SLIT3: variants seen among roughly 807,000 people sequenced by gnomAD.
SLIT3 encodes slit guidance ligand 3, also known as slit homolog 3 protein.
Under a neutral mutation model 184.0 loss-of-function variants are expected in SLIT3, and 68 were observed. The ratio of observed to expected loss-of-function variants is 0.37; its 90% CI spans 0.30 to 0.45. SLIT3 has a LOEUF of 0.45. Among genes scored for constraint, SLIT3 ranks in the 20% least tolerant of loss-of-function variants. The pLI is 1.00. For synonymous variants in SLIT3, 831 were observed against 828.6 expected (o/e 1.00, Z -0.05); for missense variants, 1,707 against 2,026.0 (o/e 0.84, Z 3.02).
intron 4 of SLIT3, among the ~76,000 whole-genome samples, chr5:169,013,749 C>T (rs1414297583): frequency 6.6e-6 from 1 of 152,220 alleles, no homozygotes; most frequent in Non-Finnish European, 1.5e-5. Context: ...CTGGCTCCTA[C>T]TCCTTCAGGT....
Position 169,213,225 on chromosome 5 carries a change from G to GA in SLIT3, c.342-19676dup, listed in dbSNP as rs530073231. Among the ~76,000 whole-genome samples the GA allele has an allele frequency of 2.0e-4, 31 of 151,346 alleles. No homozygotes were observed. In the South Asian group the frequency reaches 5.2e-3, roughly 26 times the overall value. ...CTCCCACTCACAATTGCTACTAAGA[G>GA]AAAAAAAATACCTAGGAATACAACT... On this transcript the variant is annotated intron_variant, in intron 3 of 35. Transcript: ENST00000519560.
chr5:168,783,320 G>C (rs552549856), intron 12 of SLIT3, among the ~76,000 whole-genome samples: 6 of 152,170 alleles, frequency 3.9e-5, no homozygotes, highest in Non-Finnish European at 5.9e-5. Flanking sequence ...AGAATTTTGG[G>C]CATTTGCCCA....
chr5:168,690,550 C>T (rs1302954922), intron 29 of SLIT3, among the ~76,000 whole-genome samples: 1 of 152,208 alleles, frequency 6.6e-6, no homozygotes, highest in African/African-American at 2.4e-5. Context: ...TCTTCCCACC[C>T]CTTGCCCCTT....
chr5:168,745,177 T>C (rs1763761965), intron 20 of SLIT3, among the ~76,000 whole-genome samples: 1 of 152,168 alleles, frequency 6.6e-6, no homozygotes, highest in East Asian at 1.9e-4. Flanking sequence ...GTGAAAATAG[T>C]GAGAACTAGA....
chr5:168,795,600 A>G, intron 9 of SLIT3, 22 bp from the exon 10 acceptor site: 2 of 1,599,266 alleles, frequency 1.3e-6, no homozygotes, highest in Non-Finnish European at 1.7e-6. Flanking sequence ...AGCAGAGAAG[A>G]GTGAATTAAC....
intron 4 of SLIT3, among the ~76,000 whole-genome samples, chr5:169,009,078 C>T (rs1756041442): frequency 6.9e-6 from 1 of 144,166 alleles, no homozygotes; most frequent in Non-Finnish European, 1.5e-5. Flanking sequence ...TCAATATGAG[C>T]CAAAATTACA....
chr5:168,685,764 C>T lies in SLIT3; in HGVS notation c.3478G>A (p.Val1160Ile), dbSNP rs774066209. 5.0e-6 allele frequency: 8 copies of T among 1,609,058 alleles called. No homozygotes were observed. The Admixed American group carries it at 1.0e-4, about 20-fold the overall frequency. The change falls in exon 31 of 36, where the codon GTC becomes ATC. Residue 1160 changes from valine to isoleucine, a missense_variant. Transcript: ENST00000519560. ...AGPRCEKLITVNFVGKDSYVE... is the reference protein window; with the variant it reads ...AGPRCEKLITINFVGKDSYVE... ...TAGGAGTCTTTGCCCACGAAGTTGACAGTGATGAGCTTCTCGCATCTGGGG... is the reference window on the plus strand; with the variant it reads ...TAGGAGTCTTTGCCCACGAAGTTGATAGTGATGAGCTTCTCGCATCTGGGG...
intron 4 of SLIT3, among the ~76,000 whole-genome samples, chr5:168,957,158 G>C (rs1215381121): frequency 6.6e-6 from 1 of 151,386 alleles, no homozygotes; most frequent in East Asian, 1.9e-4. Flanking sequence ...GAACCTGGGA[G>C]GCAGAGGTTG....
chr5:169,010,752 A>T (rs778033413), intron 4 of SLIT3, among the ~76,000 whole-genome samples: 31 of 151,986 alleles, frequency 2.0e-4, no homozygotes, highest in Middle Eastern at 3.4e-3. Flanking sequence ...AATACAAAAC[A>T]ATTAGCCAGG....
intron 10 of SLIT3, among the ~76,000 whole-genome samples, chr5:168,793,338 C>T (rs1756451133): frequency 6.6e-6 from 1 of 151,044 alleles, no homozygotes; most frequent in African/African-American, 2.4e-5. Context: ...TAGGGATAAA[C>T]TGGTCACGTA....
intron 26 of SLIT3, 90 bp downstream of exon 26, chr5:168,707,886 G>C (rs1762422902): frequency 1.3e-6 from 2 of 1,513,412 alleles, no homozygotes; most frequent in Admixed American, 3.5e-5. Context: ...GGAGAAGGGA[G>C]GGTACGCAGG....
At chr5:169,281,648 T>G (rs1350613493) in intron 1 of SLIT3, among the ~76,000 whole-genome samples, 1 of 152,206 alleles carries the variant, frequency 6.6e-6, no homozygotes, top group Non-Finnish European at 1.5e-5. Context: ...CCAATAGCAT[T>G]AGTCGTTATT....
intron 1 of SLIT3, among the ~76,000 whole-genome samples, chr5:169,275,299 T>C (rs1766765218): frequency 6.6e-6 from 1 of 152,212 alleles, no homozygotes; most frequent in Non-Finnish European, 1.5e-5. Flanking sequence ...GTTATACGAC[T>C]GTCAAGTGTC....
chr5:169,150,198 C>G (rs1182393657), intron 4 of SLIT3, among the ~76,000 whole-genome samples: 1 of 152,156 alleles, frequency 6.6e-6, no homozygotes, highest in Non-Finnish European at 1.5e-5. Flanking sequence ...TTTTCTGAAT[C>G]TGCTCCCCGC....
intron 6 of SLIT3, among the ~76,000 whole-genome samples, chr5:168,830,357 C>T (rs958412535): frequency 6.6e-6 from 1 of 152,178 alleles, no homozygotes; most frequent in Non-Finnish European, 1.5e-5. Flanking sequence ...CCTTCTCATC[C>T]AGCTGTACAC....
At chr5:169,168,558 C>A (rs1325147899) in intron 4 of SLIT3, among the ~76,000 whole-genome samples, 2 of 152,216 alleles carry the variant, frequency 1.3e-5, no homozygotes, top group Non-Finnish European at 2.9e-5. Context: ...TTAATCTTTA[C>A]AACGGCTCTA....
At chr5:169,028,244 G>GAAAA (rs113331358) in intron 4 of SLIT3, among the ~76,000 whole-genome samples, 3 of 147,798 alleles carry the variant, frequency 2.0e-5, no homozygotes, top group African/African-American at 7.4e-5. Flanking sequence ...TTAGTGATGG[G>GAAAA]AAAAAAAAAA....
At chr5:168,875,719 A>G (rs79991007) in intron 5 of SLIT3, among the ~76,000 whole-genome samples, 10,243 of 151,094 alleles carry the variant, frequency 0.068, 408 homozygotes, top group Middle Eastern at 0.12. Flanking sequence ...AGACAGGAAG[A>G]GAGGAAGGGA....
At chr5:169,105,843 T>C (rs954692657) in intron 4 of SLIT3, among the ~76,000 whole-genome samples, 26 of 152,204 alleles carry the variant, frequency 1.7e-4, no homozygotes, top group African/African-American at 6.3e-4. Flanking sequence ...ACAATTTCTG[T>C]ATCCAGTCTA....
Sources: gnomAD v4.1 joint callset for allele counts (sites outside exome capture counted in the v4.1 genomes callset) on GRCh38, gnomAD v4.1.1 for gene constraint, MANE v1.5 for transcripts, NCBI Gene and HGNC (gene_info 2026-07-23, HGNC 2026-07-21) for gene names.